AHSG: variants seen among roughly 807,000 people sequenced by gnomAD.
AHSG encodes the protein alpha-2-HS-glycoprotein.
A neutral mutation model predicts 30.1 loss-of-function variants in AHSG; 23 were observed. That is an observed-to-expected ratio of 0.76 (90% CI 0.55 to 1.08). The LOEUF is 1.08. AHSG is among the 50% of genes least tolerant of loss of function. The pLI, the probability that AHSG is intolerant of heterozygous loss-of-function variation, is 0.00. For synonymous variants in AHSG, 164 were observed against 186.3 expected, an observed-to-expected ratio of 0.88 and a Z score of 0.98; for missense variants, 469 against 459.5, an observed-to-expected ratio of 1.02 and a Z score of -0.19.
Position 186,620,830 on chromosome 3 carries a change from A to T in AHSG, c.1004A>T (p.His335Leu), listed in dbSNP as rs1307494975. Residue 335 changes from histidine to leucine, a missense_variant, in exon 7 of 7, where the codon CAC (histidine) becomes CTC (leucine). Physicochemically the swap from His to Leu is moderately conservative, Grantham distance 99 (BLOSUM62 -3). Coordinates refer to ENST00000411641, the MANE Select transcript of AHSG (RefSeq NM_001622.4). The part of the protein sequence containing the change: ...SLGSPSGEVS[H>L]PRKTRTVVQP... Reference sequence around the variant, plus strand: ...GGGTCACCCTCAGGAGAAGTGTCGCACCCCCGGAAAACACGCACAGTGGTG... The same window carrying T: ...GGGTCACCCTCAGGAGAAGTGTCGCTCCCCCGGAAAACACGCACAGTGGTG... 6.2e-7 allele frequency: 1 copy of T among 1,613,998 alleles called. No individual in the cohort carries two copies. The highest frequency in any genetic ancestry group is 1.1e-5 in the South Asian group (1 of 91,070).
At position 186,620,699 on chromosome 3, in the gene AHSG, T is replaced by G. The variant is rs1036757329; in HGVS notation, c.873T>G (p.Ala291=). 2.5e-6 allele frequency: 4 copies of G among 1,614,198 alleles called. No individual in the cohort carries two copies. Among genetic ancestry groups the G allele is most frequent in the Non-Finnish European group, 3.4e-6 (4 of 1,180,028 alleles). The stretch of plus-strand genomic sequence containing the variant: ...TTGGCGCACCTGGACTCCCTCCAGC[T>G]GGCTCACCCCCAGACTCCCATGTGT... ...PPLGAPGLPP[A]GSPPDSHVLL... is the part of the protein sequence containing the mutation. The change falls in exon 7 of 7, where the codon GCT becomes GCG. Residue 291 remains alanine, a synonymous_variant. Transcript: ENST00000411641.
Position 186,618,640 on chromosome 3 carries a change from G to C in AHSG, c.675+3G>C. ...AGTGTAACCTGCTGGCAGAAAAGGT[G>C]AGTGGGCCGGGACCTTGGGGTGTTA... On this transcript the variant is annotated splice_donor_region_variant and intron_variant, in intron 5 of 6. Transcript: ENST00000411641. 1 of 1,613,838 alleles carries C rather than the reference G, an allele frequency of 6.2e-7. No homozygotes were observed. The highest frequency in any genetic ancestry group is 8.5e-7 in the Non-Finnish European group (1 of 1,179,830).
chr3:186,615,815 T>A lies in AHSG; in HGVS notation c.324+20T>A. The A allele has an allele frequency of 1.2e-6, 2 of 1,600,826 alleles. No homozygotes were observed. Among genetic ancestry groups the A allele is most frequent in the Non-Finnish European group, 8.6e-7 (1 of 1,167,832 alleles). On this transcript the variant is annotated intron_variant, in intron 2 of 6. Transcript: ENST00000411641. The stretch of plus-strand genomic sequence containing the variant: ...GAGCATGTGAGTACCCTTCTTAGGA[T>A]GACTGTAGGTGGCCCTTCGGCCAGC...
Position 186,620,897 on chromosome 3 carries a change from A to G in AHSG, c.1071A>G (p.Pro357=), listed in dbSNP as rs138963070. The change falls in exon 7 of 7, where the codon CCA becomes CCG. Residue 357 remains proline, a synonymous_variant. Coordinates refer to ENST00000411641, the MANE Select transcript of AHSG (RefSeq NM_001622.4). ...CTGCTGCTGGGCCAGTGGTTCCTCC[A>G]TGTCCGGGGAGGATCAGACACTTCA... ...VGAAAGPVVP[P]CPGRIRHFKV 1.1e-5 allele frequency: 18 copies of G among 1,613,904 alleles called. No homozygotes were observed. The highest frequency in any genetic ancestry group is 1.4e-5 in the Non-Finnish European group (17 of 1,179,870).
chr3:186,618,686 G>A (rs1252821171), intron 5 of AHSG, 49 bp downstream of exon 5: 1 of 1,602,182 alleles, frequency 6.2e-7, no homozygotes, highest in Admixed American at 1.7e-5. Context: ...AGAGCTGTTT[G>A]TGGAACAGAA....
intron 1 of AHSG, 96 bp from the exon 2 acceptor site, chr3:186,615,589 C>T: frequency 4.5e-6 from 4 of 897,538 alleles, no homozygotes; most frequent in Non-Finnish European, 5.6e-6. Flanking sequence ...TCTCCAAAAG[C>T]GGGGTGCTCT....
chr3:186,617,139 T>G (rs746267409), intron 3 of AHSG, 48 bp from the exon 4 acceptor site: 13 of 1,576,492 alleles, frequency 8.2e-6, no homozygotes, highest in Non-Finnish European at 1.1e-5. Flanking sequence ...GCTGGGGCCA[T>G]GCCAGGGAGA....
At chr3:186,619,729 C>T (rs1383120667) in intron 5 of AHSG, 128 bp from the exon 6 acceptor site, 1 of 661,180 alleles carries the variant, frequency 1.5e-6, no homozygotes, top group Non-Finnish European at 2.6e-6. Flanking sequence ...CATATACCTC[C>T]CACAAGCAGA....
Position 186,620,758 on chromosome 3 carries a change from G to C in AHSG, c.932G>C (p.Arg311Pro), listed in dbSNP as rs747770175. The C allele has an allele frequency of 6.2e-7, 1 of 1,614,158 alleles. No individual in the cohort carries two copies. Among genetic ancestry groups the C allele is most frequent in the South Asian group, 1.1e-5 (1 of 91,082 alleles). The change falls in exon 7 of 7, where the codon CGG becomes CCG. Residue 311 changes from arginine to proline, a missense_variant. Coordinates refer to ENST00000411641, the MANE Select transcript of AHSG (RefSeq NM_001622.4). The part of the protein sequence containing the change: ...LAAPPGHQLH[R>P]AHYDLRHTFM... ...GCTCCTCCAGGACACCAGTTGCACC[G>C]GGCGCACTACGACCTGCGCCACACC...
chr3:186,619,884 A>G lies in AHSG; in HGVS notation c.703A>G (p.Ser235Gly). 2 of 1,613,570 alleles carry G rather than the reference A, an allele frequency of 1.2e-6. No homozygotes were observed. Among genetic ancestry groups the G allele is most frequent in the African/African-American group, 2.7e-5 (2 of 74,974 alleles). ...ATATGGCTTTTGTAAGGCAACACTC[A>G]GTGAGAAGCTTGGTGGGGCAGAGGT... The part of the protein sequence containing the change: ...KQYGFCKATL[S>G]EKLGGAEVAV... Residue 235 changes from serine to glycine, a missense_variant, in exon 6 of 7, where the codon AGT becomes GGT. Ser to Gly is a moderately conservative substitution (Grantham distance 56). Coordinates refer to ENST00000411641, the MANE Select transcript of AHSG (RefSeq NM_001622.4).
At chr3:186,616,870 G>A (rs754723538) in intron 3 of AHSG, among the ~76,000 whole-genome samples, 4 of 152,202 alleles carry the variant, frequency 2.6e-5, no homozygotes, top group Non-Finnish European at 5.9e-5. Context: ...GCTGAGGCAG[G>A]AGAATCGCTT....
chr3:186,619,807 G>A (rs776837665), intron 5 of AHSG, 50 bp from the exon 6 acceptor site: 5 of 1,462,682 alleles, frequency 3.4e-6, no homozygotes, highest in Non-Finnish European at 4.7e-6. Flanking sequence ...AAATTGGGGG[G>A]GATCCATTTT....
intron 1 of AHSG, among the ~76,000 whole-genome samples, chr3:186,614,877 G>C (rs1288590454): frequency 2.0e-5 from 3 of 152,164 alleles, no homozygotes; most frequent in African/African-American, 7.2e-5. Context: ...AGGAGAAAAG[G>C]CATACTTGTA....
intron 2 of AHSG, 127 bp downstream of exon 2, chr3:186,615,922 G>A (rs1479652790): frequency 6.2e-6 from 5 of 800,086 alleles, no homozygotes; most frequent in South Asian, 3.2e-5. Flanking sequence ...GTGGCCGAGC[G>A]CAGTGGCTCA....
chr3:186,619,487 GAAT>G (rs1716411782), intron 5 of AHSG, among the ~76,000 whole-genome samples: 1 of 151,958 alleles, frequency 6.6e-6, no homozygotes, highest in South Asian at 2.1e-4. Flanking sequence ...TGTTTTCAAG[GAAT>G]AATGAATGAT....
chr3:186,616,112 G>T (rs944605340), intron 2 of AHSG, among the ~76,000 whole-genome samples: 3 of 152,144 alleles, frequency 2.0e-5, no homozygotes, highest in Non-Finnish European at 2.9e-5. Flanking sequence ...CAGGAGAATC[G>T]CTTGAACCCG....
rs528205795 is a variant in AHSG, at chr3:186,619,928, G to A, written c.747G>A (p.Val249=). 1.2e-6 allele frequency: 2 copies of A among 1,611,072 alleles called. No homozygotes were observed. Among genetic ancestry groups the A allele is most frequent in the Non-Finnish European group, 1.7e-6 (2 of 1,179,124 alleles). The change falls in exon 6 of 7, where the codon GTG becomes GTA. Residue 249 remains valine (V), a synonymous_variant. Coordinates refer to ENST00000411641, the MANE Select transcript of AHSG (RefSeq NM_001622.4). The stretch of plus-strand genomic sequence containing the variant: ...CAGAGGTTGCAGTGACCTGCATGGT[G>A]TTCCAAACACAGGTAACAGCTCCGT... ...GGAEVAVTCM[V]FQTQPVSSQP...
At chr3:186,614,760 C>T (rs1157501608) in intron 1 of AHSG, among the ~76,000 whole-genome samples, 3 of 152,210 alleles carry the variant, frequency 2.0e-5, no homozygotes, top group South Asian at 2.1e-4. Context: ...TCTGGGCACA[C>T]CTGGACATCA....
rs776029982 is a variant in AHSG, at chr3:186,616,446, G to A, written c.328G>A (p.Val110Ile). The A allele has an allele frequency of 1.2e-6, 2 of 1,612,984 alleles. No individual in the cohort carries two copies. The highest frequency in any genetic ancestry group is 1.7e-5 in the Admixed American group (1 of 59,908). The change falls in exon 3 of 7, where the codon GTC becomes ATC. Residue 110 changes from valine to isoleucine, a missense_variant. Physicochemically the swap from Val to Ile is conservative, Grantham distance 29 (BLOSUM62 3). Coordinates refer to ENST00000411641, the MANE Select transcript of AHSG (RefSeq NM_001622.4). ...CSVRQLKEHA[V>I]EGDCDFQLLK... ...TCACGTGGGTTTCTTTCTCCAGGCTGTCGAAGGAGACTGTGATTTCCAGCT... is the reference window on the plus strand; with the variant it reads ...TCACGTGGGTTTCTTTCTCCAGGCTATCGAAGGAGACTGTGATTTCCAGCT...
Sources: gnomAD v4.1 joint callset for allele counts (sites outside exome capture counted in the v4.1 genomes callset) on GRCh38, gnomAD v4.1.1 for gene constraint, MANE v1.5 for transcripts, NCBI Gene and HGNC (gene_info 2026-07-23, HGNC 2026-07-21) for gene names.